Variants in CSMD1 observed in about 807,000 individuals in gnomAD.
CSMD1 encodes the protein CUB and sushi domain-containing protein 1.
CSMD1 carries 213 observed loss-of-function variants against 417.5 expected under a neutral mutation model. That is an observed-to-expected ratio of 0.51 (90% confidence interval 0.46 to 0.57). CSMD1 has a LOEUF of 0.57. Ranked by LOEUF, CSMD1 falls within the 20% of genes least tolerant of loss-of-function variation. CSMD1 has a pLI of 0.00. For synonymous variants in CSMD1, 2,862 were observed against 1,736.8 expected (o/e 1.65, Z -16.11); for missense variants, 6,923 against 4,529.7 (o/e 1.53, Z -15.17).
chr8:3,182,578 CTGTGTGTGTGTGTGTGTGTG>C lies in CSMD1; in HGVS notation c.5621-1384_5621-1365del, dbSNP rs35090952. On this transcript the variant is annotated intron_variant, in intron 36 of 69. Coordinates refer to ENST00000635120, the MANE Select transcript of CSMD1 (RefSeq NM_033225.6). ...ACTCTGGCTGTCTTTTTATAAGAAGCTGTGTGTGTGTGTGTGTGTGTGTGTGTGTGTGTGTGTGTGTGTGT... is the reference window on the plus strand; with the variant it reads ...ACTCTGGCTGTCTTTTTATAAGAAGCTGTGTGTGTGTGTGTGTGTGTGTGT... Among the ~76,000 whole-genome samples the C allele has an allele frequency of 1.0e-3, 96 of 94,184 alleles. 3 individuals carry two copies. The highest frequency in any genetic ancestry group is 1.3e-3 in the Non-Finnish European group (68 of 50,924). The allele number at this position is 94,184 out of a possible 152,430, so 61.8% of individuals were successfully genotyped here.
At chr8:3,563,042 A>T (rs558361301) in intron 10 of CSMD1, among the ~76,000 whole-genome samples, 1 of 152,058 alleles carries the variant, frequency 6.6e-6, no homozygotes, top group African/African-American at 2.4e-5. Context: ...ATGCAATGCC[A>T]TTCTTTGCTT....
chr8:4,220,484 A>G (rs1032899922), intron 3 of CSMD1, among the ~76,000 whole-genome samples: 1 of 152,212 alleles, frequency 6.6e-6, no homozygotes, highest in South Asian at 2.1e-4. Context: ...ATTTTAAAAC[A>G]TCACTTTGTG....
chr8:4,372,326 C>T (rs1040198511), intron 3 of CSMD1, among the ~76,000 whole-genome samples: 1 of 152,088 alleles, frequency 6.6e-6, no homozygotes, highest in Non-Finnish European at 1.5e-5. Context: ...ACTGTGGTAG[C>T]ATTAAAAGTG....
intron 50 of CSMD1, among the ~76,000 whole-genome samples, chr8:3,034,026 C>T (rs1810511103): frequency 6.6e-6 from 1 of 152,220 alleles, no homozygotes; most frequent in Admixed American, 6.5e-5. Flanking sequence ...GCTCCTCCAG[C>T]TGCCTCCCCA....
At position 4,949,065 on chromosome 8, in the gene CSMD1, C is replaced by T. The variant is rs767837494; in HGVS notation, c.85+45267G>A. On this transcript the variant is annotated intron_variant, in intron 1 of 69. Transcript: ENST00000635120. ...AACATTTTAACAAATGCCTTTTTGG[C>T]TTCTGTTGGGATAACTTTTTTTGTA... Among the ~76,000 whole-genome samples, 30 of 151,938 alleles carry T rather than the reference C, an allele frequency of 2.0e-4. 1 individual carries two copies. The highest frequency in any genetic ancestry group is 3.3e-4 in the Admixed American group (5 of 15,244).
At chr8:4,121,893 A>C (rs963792559) in intron 3 of CSMD1, among the ~76,000 whole-genome samples, 3 of 152,136 alleles carry the variant, frequency 2.0e-5, no homozygotes, top group African/African-American at 7.2e-5. Context: ...AATGACTCTC[A>C]GATACCAACT....
intron 3 of CSMD1, among the ~76,000 whole-genome samples, chr8:4,166,774 T>A (rs1797481583): frequency 6.6e-6 from 1 of 152,224 alleles, no homozygotes; most frequent in African/African-American, 2.4e-5. Context: ...AAGCAAAATG[T>A]AGCCCTACCA....
intron 8 of CSMD1, among the ~76,000 whole-genome samples, chr8:3,605,657 G>C (rs988477476): frequency 2.6e-5 from 4 of 152,032 alleles, no homozygotes; most frequent in African/African-American, 7.2e-5. Flanking sequence ...AAAATAGAAT[G>C]AAAAATAAAC....
At chr8:3,950,004 T>C (rs1214104175) in intron 5 of CSMD1, 2 of 455,934 alleles carry the variant, frequency 4.4e-6, no homozygotes, top group Admixed American at 4.7e-5. Context: ...CCACTACATT[T>C]GCCAGGGTCC....
At chr8:3,967,305 T>C (rs1220154768) in intron 5 of CSMD1, among the ~76,000 whole-genome samples, 2 of 152,144 alleles carry the variant, frequency 1.3e-5, no homozygotes, top group African/African-American at 2.4e-5. Flanking sequence ...TTCCTTCCCT[T>C]ACACCTGAAT....
At chr8:3,951,983 G>T (rs966043086) in intron 5 of CSMD1, among the ~76,000 whole-genome samples, 4 of 152,098 alleles carry the variant, frequency 2.6e-5, no homozygotes, top group Non-Finnish European at 5.9e-5. Context: ...AATTTTCCCT[G>T]ATTACACTTG....
chr8:3,663,476 A>C (rs1177922185), intron 7 of CSMD1, among the ~76,000 whole-genome samples: 1 of 152,106 alleles, frequency 6.6e-6, no homozygotes, highest in Non-Finnish European at 1.5e-5. Context: ...AGGGACTGTG[A>C]AAGGAAAATG....
intron 5 of CSMD1, among the ~76,000 whole-genome samples, chr8:3,882,511 T>C (rs146815264): frequency 1.3e-5 from 2 of 152,198 alleles, no homozygotes; most frequent in African/African-American, 4.8e-5. Context: ...TCTGCCTCGG[T>C]TGAGCACATG....
intron 26 of CSMD1, among the ~76,000 whole-genome samples, chr8:3,231,822 A>T (rs1798857462): frequency 6.6e-6 from 1 of 152,196 alleles, no homozygotes; most frequent in African/African-American, 2.4e-5. Context: ...ACTTAAGCAC[A>T]CTTATCATCA....
intron 1 of CSMD1, among the ~76,000 whole-genome samples, chr8:4,688,810 T>C (rs1806571689): frequency 6.6e-6 from 1 of 152,196 alleles, no homozygotes; most frequent in African/African-American, 2.4e-5. Context: ...AACAGCTCTG[T>C]AAACATCGCA....
chr8:3,616,930 A>C, intron 7 of CSMD1, 133 bp from the exon 8 acceptor site: 1 of 526,144 alleles, frequency 1.9e-6, no homozygotes, highest in Non-Finnish European at 3.3e-6. Flanking sequence ...GAATTAAGAC[A>C]CCTTAAATAC....
chr8:4,353,581 G>C (rs890298284), intron 3 of CSMD1, among the ~76,000 whole-genome samples: 1 of 151,646 alleles, frequency 6.6e-6, no homozygotes, highest in Non-Finnish European at 1.5e-5. Context: ...GCCCAAAGTA[G>C]CATATCCTGA....
chr8:3,959,876 G>A (rs908869869), intron 5 of CSMD1, among the ~76,000 whole-genome samples: 2 of 152,196 alleles, frequency 1.3e-5, no homozygotes, highest in African/African-American at 2.4e-5. Context: ...TATAACGTGT[G>A]ATCTGCCTTC....
intron 25 of CSMD1, among the ~76,000 whole-genome samples, chr8:3,296,269 G>T (rs192212135): frequency 6.6e-6 from 1 of 151,224 alleles, no homozygotes; most frequent in Non-Finnish European, 1.5e-5. Context: ...CCTGTGAGAC[G>T]TAAGAATTCA....
Sources: allele counts gnomAD v4.1 joint callset (sites outside exome capture counted in the v4.1 genomes callset), GRCh38; gene constraint gnomAD v4.1.1; transcripts MANE v1.5; gene names NCBI Gene and HGNC (gene_info 2026-07-23, HGNC 2026-07-21).